UBXN2A: variants seen among roughly 807,000 people sequenced by gnomAD.
The protein encoded by UBXN2A is UBX domain-containing protein 2A.
A neutral mutation model predicts 28.4 loss-of-function variants in UBXN2A; 28 were observed. The observed-to-expected ratio is 0.99, with a 90% CI of 0.73 to 1.35. The LOEUF (loss-of-function observed/expected upper bound fraction) is 1.35, where lower values mean the gene tolerates loss of function less well. UBXN2A is among the 40% of genes most tolerant of loss of function. The pLI, the probability that UBXN2A is intolerant of heterozygous loss-of-function variation, is 0.00. For missense variants in UBXN2A, 253 were observed against 297.9 expected, an observed-to-expected ratio of 0.85 and a Z score of 1.11; for synonymous variants, 97 against 103.6, an observed-to-expected ratio of 0.94 and a Z score of 0.39.
chr2:23,972,911 C>T (rs1707478338), intron 3 of UBXN2A, among the ~76,000 whole-genome samples: 1 of 152,082 alleles, frequency 6.6e-6, no homozygotes, highest in Non-Finnish European at 1.5e-5. Flanking sequence ...GTGAAGTATA[C>T]ATAAAGTATT....
intron 2 of UBXN2A, among the ~76,000 whole-genome samples, chr2:23,966,730 C>A (rs1036611577): frequency 7.1e-6 from 1 of 140,092 alleles, no homozygotes; most frequent in Non-Finnish European, 1.5e-5. Flanking sequence ...GGATTACAGG[C>A]GTGAGCCACC....
chr2:23,986,411 T>C (rs1708132901), intron 6 of UBXN2A, among the ~76,000 whole-genome samples: 1 of 152,136 alleles, frequency 6.6e-6, no homozygotes, highest in Non-Finnish European at 1.5e-5. Flanking sequence ...TTTAAGTAGA[T>C]GCATAATTAT....
At chr2:23,938,829 G>A (rs900220125), upstream of UBXN2A, among the ~76,000 whole-genome samples, 4 of 152,130 alleles carry the variant, frequency 2.6e-5, no homozygotes, top group African/African-American at 9.7e-5. Context: ...TTTTGACAAG[G>A]GAAGAATCCT....
chr2:23,931,996 G>A (rs1202693235), intron 1 of UBXN2A, among the ~76,000 whole-genome samples: 1 of 151,410 alleles, frequency 6.6e-6, no homozygotes, highest in African/African-American at 2.4e-5. Context: ...GGGTGACAGA[G>A]CGAGACTCCG....
chr2:23,994,871 G>C (rs141079236), intron 6 of UBXN2A, among the ~76,000 whole-genome samples: 211 of 152,252 alleles, frequency 1.4e-3, no homozygotes, highest in Non-Finnish European at 2.2e-3. Flanking sequence ...GACTTTACTG[G>C]GGCTGGTTGG....
chr2:23,957,633 G>A (rs1298909242), intron 1 of UBXN2A, among the ~76,000 whole-genome samples: 7 of 151,608 alleles, frequency 4.6e-5, no homozygotes, highest in East Asian at 4.0e-4. Flanking sequence ...TTGGGAGTTC[G>A]AGACCAGCCT....
intron 4 of UBXN2A, among the ~76,000 whole-genome samples, chr2:23,978,126 C>T (rs1387772269): frequency 6.6e-6 from 1 of 152,106 alleles, no homozygotes; most frequent in Non-Finnish European, 1.5e-5. Context: ...CCACGCCTGG[C>T]CAACAAATAT....
rs553130806 is a variant in UBXN2A, at chr2:23,934,130, C to T, written c.-137-5410C>T. 4.7e-4 allele frequency among the ~76,000 whole-genome samples: 72 copies of T among 151,692 alleles called. No individual in the cohort carries two copies. In the Middle Eastern group the frequency reaches 0.02, roughly 43 times the overall value. ...ACTTAGAAGGCTGAGGCAGGATAAT[C>T]GCTTGAATGCGGGAGGCGGAGGTTG... On this transcript the variant is annotated intron_variant, in intron 1 of 7. Coordinates refer to the UBXN2A transcript ENST00000404924.
At chr2:23,983,867 G>A (rs1433345311) in intron 5 of UBXN2A, among the ~76,000 whole-genome samples, 1 of 152,080 alleles carries the variant, frequency 6.6e-6, no homozygotes, top group Non-Finnish European at 1.5e-5. Flanking sequence ...GTAGAGACAG[G>A]GTTTCGCCAT....
intron 4 of UBXN2A, among the ~76,000 whole-genome samples, chr2:23,982,368 A>G (rs1184060796): frequency 1.3e-5 from 2 of 148,874 alleles, no homozygotes; most frequent in African/African-American, 2.4e-5. Context: ...CTCCGTCTCA[A>G]AAAAAAAAAA....
chr2:23,999,685 A>G lies in UBXN2A; in HGVS notation c.598A>G (p.Lys200Glu). 1 of 1,613,616 alleles carries G rather than the reference A, an allele frequency of 6.2e-7. No homozygotes were observed. The highest frequency in any genetic ancestry group is 8.5e-7 in the Non-Finnish European group (1 of 1,179,898). Reference sequence around the variant, plus strand: ...GCTGTTTTACAGAGTAAGCCATATCAAAGACTTCATTGAAAAATACCAAGG... The same window carrying G: ...GCTGTTTTACAGAGTAAGCCATATCGAAGACTTCATTGAAAAATACCAAGG... ...FNITHRVSHI[K>E]DFIEKYQGSQ... is the part of the protein sequence containing the mutation. Residue 200 changes from lysine to glutamate, a missense_variant, in exon 7 of 7, where the codon AAA (lysine) becomes GAA (glutamate). Transcript: ENST00000309033.
At chr2:23,974,716 G>A (rs374770172) in intron 3 of UBXN2A, among the ~76,000 whole-genome samples, 22 of 152,276 alleles carry the variant, frequency 1.4e-4, no homozygotes, top group African/African-American at 5.3e-4. Context: ...GGTGGCTTAC[G>A]CCTGTAATCT....
chr2:23,983,875 C>T (rs545584114), intron 5 of UBXN2A, among the ~76,000 whole-genome samples: 3 of 152,260 alleles, frequency 2.0e-5, no homozygotes, highest in African/African-American at 7.2e-5. Flanking sequence ...AGGGTTTCGC[C>T]ATGTTGGCCA....
At chr2:23,934,794 C>G (rs1331695784) in intron 1 of UBXN2A, among the ~76,000 whole-genome samples, 2 of 152,142 alleles carry the variant, frequency 1.3e-5, no homozygotes, top group Admixed American at 6.6e-5. Context: ...AAAAACAAGG[C>G]TGGGTGTGGT....
In UBXN2A at chr2:23,958,307, G is replaced by T. The variant is rs370870768; in HGVS notation, c.-8G>T. On this transcript the variant is annotated 5_prime_UTR_variant, in exon 2 of 7. Coordinates refer to ENST00000309033, the MANE Select transcript of UBXN2A (RefSeq NM_181713.4). ...TTTCTTTGTACTTTTACAGTAAGGC[G>T]AAAGAGAATGAAAGACGTAGATAAC... 6.3e-7 allele frequency: 1 copy of T among 1,596,686 alleles called. No homozygotes were observed. Among genetic ancestry groups the T allele is most frequent in the Non-Finnish European group, 8.5e-7 (1 of 1,174,278 alleles).
At chr2:23,985,458 G>A (rs1708087535) in intron 6 of UBXN2A, among the ~76,000 whole-genome samples, 1 of 151,918 alleles carries the variant, frequency 6.6e-6, no homozygotes, top group Non-Finnish European at 1.5e-5. Context: ...CAGGAGTTTG[G>A]CCAGGGTGGT....
intron 1 of UBXN2A, among the ~76,000 whole-genome samples, chr2:23,931,550 TA>T (rs900234957): frequency 8.1e-5 from 12 of 148,922 alleles, no homozygotes; most frequent in Admixed American, 1.3e-4. Flanking sequence ...TTTTTGAACT[TA>T]AAAAAAAAAC....
intron 4 of UBXN2A, among the ~76,000 whole-genome samples, chr2:23,979,468 T>C (rs1707808515): frequency 6.6e-6 from 1 of 152,250 alleles, no homozygotes. Flanking sequence ...TATGTGTACA[T>C]TTATTTTTAA....
chr2:23,953,698 AAT>A (rs1275672169), intron 1 of UBXN2A, among the ~76,000 whole-genome samples: 1 of 152,162 alleles, frequency 6.6e-6, no homozygotes, highest in Non-Finnish European at 1.5e-5. Flanking sequence ...TCTCCCTCAT[AAT>A]ATATGTGTTG....
Sources: gnomAD v4.1 joint callset for allele counts (sites outside exome capture counted in the v4.1 genomes callset) on GRCh38, gnomAD v4.1.1 for gene constraint, MANE v1.5 for transcripts, NCBI Gene and HGNC (gene_info 2026-07-23, HGNC 2026-07-21) for gene names.